CCDC13: variants seen among roughly 807,000 people sequenced by gnomAD.
CCDC13 encodes the protein coiled-coil domain containing 13, also known as coiled-coil domain-containing protein 13.
A neutral mutation model predicts 87.3 loss-of-function variants in CCDC13; 70 were observed. That is an observed-to-expected ratio of 0.80 (90% CI 0.66 to 0.98). The LOEUF is 0.98. CCDC13 is among the 50% of genes least tolerant of loss of function. CCDC13 has a pLI of 0.00. For synonymous variants in CCDC13, 317 were observed against 360.3 expected, an observed-to-expected ratio of 0.88 and a Z score of 1.36; for missense variants, 842 against 892.0, an observed-to-expected ratio of 0.94 and a Z score of 0.71.
Position 42,772,281 on chromosome 3 carries a change from A to AC in CCDC13, c.-7+894_-7+895insG, listed in dbSNP as rs1267562493. Reference sequence around the variant, plus strand: ...CGAGACTCCGTCAAAAAAAAAAAAAAAAAAAAAAAGTAATAATAAAAAAAA... The same window carrying AC: ...CGAGACTCCGTCAAAAAAAAAAAAAACAAAAAAAAAGTAATAATAAAAAAAA... On this transcript the variant is annotated intron_variant, in intron 1 of 15. Transcript: ENST00000310232. 9.4e-5 allele frequency among the ~76,000 whole-genome samples: 3 copies of AC among 31,848 alleles called. No homozygotes were observed. The South Asian group carries it at 6.3e-3, about 67-fold the overall frequency. The allele number at this position is 31,848 out of a possible 152,430, so 20.9% of individuals were successfully genotyped here.
At chr3:42,716,169 A>T (rs964711122) in intron 13 of CCDC13, among the ~76,000 whole-genome samples, 2 of 152,182 alleles carry the variant, frequency 1.3e-5, no homozygotes, top group Non-Finnish European at 2.9e-5. Context: ...TAAGTAAACA[A>T]GATGTACTAA....
chr3:42,708,903 T>C lies in CCDC13; in HGVS notation c.*77A>G, dbSNP rs1216805026. 4.1e-6 allele frequency: 6 copies of C among 1,452,294 alleles called. No homozygotes were observed. Among genetic ancestry groups the C allele is most frequent in the African/African-American group, 1.4e-5 (1 of 69,528 alleles). 90.0% of individuals were successfully genotyped at this position (1,452,294 alleles called of 1,614,324 possible). On this transcript the variant is annotated 3_prime_UTR_variant, in exon 16 of 16. Transcript: ENST00000310232. ...CCCTGGGCTGGCTTCCCGGAGCAGA[T>C]GGAGTCCTCAGACAGAGTCTTATCC...
intron 2 of CCDC13, 94 bp from the exon 3 acceptor site, chr3:42,757,308 G>A (rs1032654318): frequency 6.5e-5 from 77 of 1,187,736 alleles, no homozygotes; most frequent in Middle Eastern, 2.0e-4. Flanking sequence ...AGATGGACAC[G>A]CAGATGCAGA....
chr3:42,741,072 T>C (rs1184988216), intron 8 of CCDC13: 2 of 152,202 alleles, frequency 1.3e-5, no homozygotes, highest in Non-Finnish European at 2.9e-5. Flanking sequence ...CAACATAATC[T>C]GTTCTGCACT....
At chr3:42,768,232 G>A (rs1169511423) in intron 1 of CCDC13, among the ~76,000 whole-genome samples, 1 of 152,138 alleles carries the variant, frequency 6.6e-6, no homozygotes, top group Non-Finnish European at 1.5e-5. Context: ...ATACTGAAAT[G>A]TAAACTGCAA....
At position 42,709,843 on chromosome 3, in the gene CCDC13, T is replaced by C. The variant is rs1417979625; in HGVS notation, c.1874-45A>G. On this transcript the variant is annotated intron_variant, in intron 14 of 15. Coordinates refer to ENST00000310232, the MANE Select transcript of CCDC13 (RefSeq NM_144719.4). ...ACTTTCTGTGAGGAGGCCACAGCCCTGTGCTAGCACCCTGCTTCTCCTCCC... is the reference window on the plus strand; with the variant it reads ...ACTTTCTGTGAGGAGGCCACAGCCCCGTGCTAGCACCCTGCTTCTCCTCCC... The C allele has an allele frequency of 3.5e-6, 5 of 1,428,228 alleles. No individual in the cohort carries two copies. The Admixed American group carries it at 6.7e-5, about 19-fold the overall frequency. The allele number at this position is 1,428,228 out of a possible 1,614,324, so 88.5% of individuals were successfully genotyped here. A position where few individuals can be genotyped will look rare whatever the true frequency, so the allele number is the denominator to read the frequency against.
intron 4 of CCDC13, 73 bp downstream of exon 4, chr3:42,752,502 G>C: frequency 6.3e-7 from 1 of 1,578,248 alleles, no homozygotes; most frequent in South Asian, 1.1e-5. Context: ...GCTACATATG[G>C]AGAAGCTAGG....
intron 14 of CCDC13, among the ~76,000 whole-genome samples, chr3:42,712,417 C>T (rs1308564267): frequency 2.0e-5 from 3 of 152,208 alleles, no homozygotes; most frequent in African/African-American, 7.2e-5. Context: ...CCACAGGATG[C>T]TGATGCTGCT....
chr3:42,709,442 G>T (rs1698250254), intron 15 of CCDC13, among the ~76,000 whole-genome samples: 1 of 152,228 alleles, frequency 6.6e-6, no homozygotes, highest in South Asian at 2.1e-4. Context: ...GTGAGAAACT[G>T]GTTCAGTGAT....
intron 1 of CCDC13, among the ~76,000 whole-genome samples, chr3:42,763,879 C>T (rs958564347): frequency 2.0e-5 from 3 of 152,278 alleles, no homozygotes; most frequent in East Asian, 1.9e-4. Flanking sequence ...CCTGAGACCA[C>T]GTGCCCAAGG....
chr3:42,736,006 G>A (rs368561718), intron 9 of CCDC13, 93 bp from the exon 10 acceptor site: 2 of 1,228,902 alleles, frequency 1.6e-6, no homozygotes, highest in Non-Finnish European at 2.3e-6. Flanking sequence ...CCCAAAGCAG[G>A]CTGCAGGAAC....
At chr3:42,709,600 G>A in intron 15 of CCDC13, 84 bp downstream of exon 15, 4 of 1,091,644 alleles carry the variant, frequency 3.7e-6, no homozygotes, top group South Asian at 1.3e-5. Flanking sequence ...AAAAGTGCAA[G>A]GGGAGGGACA....
At chr3:42,752,302 C>T (rs978077656) in intron 4 of CCDC13, among the ~76,000 whole-genome samples, 2 of 152,158 alleles carry the variant, frequency 1.3e-5, no homozygotes, top group African/African-American at 4.8e-5. Flanking sequence ...AATCTGTCTC[C>T]TGAAGTTCCA....
chr3:42,768,690 C>A (rs1490451426), intron 1 of CCDC13, among the ~76,000 whole-genome samples: 19 of 14,014 alleles, frequency 1.4e-3, no homozygotes, highest in African/African-American at 1.6e-3. Flanking sequence ...GAGAAAGACT[C>A]AAAAAATAAA....
At chr3:42,769,992 C>T (rs1004523714) in intron 1 of CCDC13, among the ~76,000 whole-genome samples, 3 of 152,246 alleles carry the variant, frequency 2.0e-5, no homozygotes, top group Non-Finnish European at 1.5e-5. Context: ...CCCCAACGAG[C>T]GCCACCCCCT....
intron 8 of CCDC13, among the ~76,000 whole-genome samples, chr3:42,740,243 G>A (rs1277619403): frequency 6.6e-6 from 1 of 152,154 alleles, no homozygotes; most frequent in Non-Finnish European, 1.5e-5. Context: ...GCACCACCAG[G>A]AGCTAGAATG....
intron 7 of CCDC13, among the ~76,000 whole-genome samples, 197 bp from the exon 8 acceptor site, chr3:42,743,254 A>G (rs911434719): frequency 1.3e-5 from 2 of 152,098 alleles, no homozygotes; most frequent in African/African-American, 4.8e-5. Context: ...ACACCAGGAA[A>G]GTTCAGCTTA....
chr3:42,749,932 G>A lies in CCDC13; in HGVS notation c.603+2004C>T, dbSNP rs1483911538. 2 of 456,654 alleles carry A rather than the reference G, an allele frequency of 4.4e-6. 1 individual carries two copies. The highest frequency in any genetic ancestry group is 3.1e-5 in the South Asian group (2 of 64,562). 28.3% of individuals were successfully genotyped at this position (456,654 alleles called of 1,614,324 possible). ...TGAGCCTGCAGGCCTCTGGAGTGTGGCTCGGGCTTGGGCCGCCCTGAGCAG... is the reference window on the plus strand; with the variant it reads ...TGAGCCTGCAGGCCTCTGGAGTGTGACTCGGGCTTGGGCCGCCCTGAGCAG... On this transcript the variant is annotated intron_variant, in intron 5 of 15. Transcript: ENST00000310232.
At chr3:42,713,430 C>T in intron 13 of CCDC13, 114 bp from the exon 14 acceptor site, 2 of 982,330 alleles carry the variant, frequency 2.0e-6, no homozygotes, top group Admixed American at 2.4e-5. Context: ...AGTGATGGGA[C>T]CTCTTCATTT....
Sources: allele counts gnomAD v4.1 joint callset (sites outside exome capture counted in the v4.1 genomes callset), GRCh38; gene constraint gnomAD v4.1.1; transcripts MANE v1.5; gene names NCBI Gene and HGNC (gene_info 2026-07-23, HGNC 2026-07-21).